Variants in CECR2 observed in about 807,000 individuals in gnomAD.
The protein encoded by CECR2 is CECR2 histone acetyl-lysine reader.
CECR2 carries 30 observed loss-of-function variants against 154.5 expected under a neutral mutation model. The ratio of observed to expected loss-of-function variants is 0.19; its 90% confidence interval spans 0.15 to 0.26. The LOEUF is 0.26. Among genes scored for constraint, CECR2 ranks in the 10% least tolerant of loss-of-function variants. The pLI is 1.00. For synonymous variants in CECR2, 725 were observed against 683.7 expected (o/e 1.06, Z -0.94); for missense variants, 1,743 against 1,829.3 (o/e 0.95, Z 0.86).
At chr22:17,419,256 C>T (rs558370735) in intron 1 of CECR2, 34 of 155,192 alleles carry the variant, frequency 2.2e-4, no homozygotes, top group Middle Eastern at 5.3e-3. Context: ...CTGGAGCAGG[C>T]CACCTGGCTG....
At chr22:17,490,822 T>C (rs2055515631) in intron 2 of CECR2, among the ~76,000 whole-genome samples, 1 of 152,070 alleles carries the variant, frequency 6.6e-6, no homozygotes, top group Non-Finnish European at 1.5e-5. Flanking sequence ...ATCACCACTA[T>C]CTAATTGCAG....
chr22:17,446,832 TGTGAGGTGGC>T (rs1343597488), intron 1 of CECR2, among the ~76,000 whole-genome samples: 1 of 152,148 alleles, frequency 6.6e-6, no homozygotes, highest in Non-Finnish European at 1.5e-5. Flanking sequence ...AGGTTGCCGC[TGTGAGGTGGC>T]CAGCTTTATT....
At chr22:17,370,931 A>C (rs2063053164) in intron 1 of CECR2, among the ~76,000 whole-genome samples, 2 of 152,182 alleles carry the variant, frequency 1.3e-5, no homozygotes, top group South Asian at 4.1e-4. Context: ...GACAAAGGTG[A>C]ATGGCAACTG....
chr22:17,469,910 T>G (rs537946766), intron 1 of CECR2, among the ~76,000 whole-genome samples: 1 of 152,192 alleles, frequency 6.6e-6, no homozygotes, highest in Non-Finnish European at 1.5e-5. Flanking sequence ...TTACTGGTTT[T>G]TTGCCTGTCC....
chr22:17,404,293 A>G (rs1016871789), intron 1 of CECR2, among the ~76,000 whole-genome samples: 2 of 149,922 alleles, frequency 1.3e-5, no homozygotes, highest in African/African-American at 4.9e-5. Context: ...AAAAAAAAAA[A>G]AAAGACTATC....
chr22:17,375,314 G>A (rs1357879097), intron 1 of CECR2, among the ~76,000 whole-genome samples: 2 of 151,678 alleles, frequency 1.3e-5, no homozygotes, highest in African/African-American at 4.8e-5. Context: ...GGGGTTTCTC[G>A]ATGTTGGTCA....
Position 17,542,837 on chromosome 22 carries a change from A to T in CECR2, c.2694A>T (p.Pro898=). 1 of 1,613,380 alleles carries T rather than the reference A, an allele frequency of 6.2e-7. No individual in the cohort carries two copies. ...MQQLSSRVCP[P]GVPYHPHQPA... ...AGCTCTCCTCCCGCGTCTGCCCCCC[A>T]GGTGTGCCTTACCACCCCCACCAGC... The change falls in exon 16 of 19, where the codon CCA becomes CCT. Residue 898 remains proline, a synonymous_variant. Coordinates refer to ENST00000262608, the MANE Select transcript of CECR2 (RefSeq NM_001290047.2).
chr22:17,409,295 G>T (rs1303456935), intron 1 of CECR2, among the ~76,000 whole-genome samples: 1 of 111,230 alleles, frequency 9.0e-6, no homozygotes, highest in East Asian at 2.0e-4. Context: ...ACCACACCCA[G>T]CTAATTTTTG....
In CECR2 at chr22:17,542,502, G is replaced by A; in HGVS notation, c.2359G>A (p.Gly787Ser). Residue 787 changes from glycine (G) to serine (S), a missense_variant, in exon 16 of 19, where the codon GGC becomes AGC. Physicochemically the swap from Gly to Ser is moderately conservative, Grantham distance 56 (BLOSUM62 0). Around this residue, in one of 4 missense-constraint regions of CECR2, gnomAD observed 1,250 missense variants for 1,192.1 expected, o/e 1.05. Coordinates refer to ENST00000262608, the MANE Select transcript of CECR2 (RefSeq NM_001290047.2). ...NHGATNQGPL[G>S]PDEKPHLGPG... ...TGGTGCTACGAACCAAGGACCCTTG[G>A]GCCCAGATGAGAAGCCCCACCTGGG... is the stretch of plus-strand genomic sequence containing the variant. 1 of 1,613,912 alleles carries A rather than the reference G, an allele frequency of 6.2e-7. No homozygotes were observed. The highest frequency in any genetic ancestry group is 1.7e-5 in the Admixed American group (1 of 60,006).
chr22:17,512,413 ATATT>A (rs1316965186), intron 8 of CECR2, among the ~76,000 whole-genome samples: 1 of 152,006 alleles, frequency 6.6e-6, no homozygotes, highest in African/African-American at 2.4e-5. Context: ...AAAACAGTAT[ATATT>A]AGAGCCAAGC....
At chr22:17,499,641 C>T in intron 4 of CECR2, 92 bp downstream of exon 4, 1 of 1,305,510 alleles carries the variant, frequency 7.7e-7, no homozygotes, top group Non-Finnish European at 1.0e-6. Flanking sequence ...ATTTTTTTTT[C>T]CTAATGAAGG....
At chr22:17,544,147 G>T (rs951045908) in intron 16 of CECR2, among the ~76,000 whole-genome samples, 2 of 152,052 alleles carry the variant, frequency 1.3e-5, no homozygotes, top group African/African-American at 4.8e-5. Flanking sequence ...CAATGGATCA[G>T]TTGAGCCCAG....
intron 1 of CECR2, among the ~76,000 whole-genome samples, chr22:17,394,245 G>T (rs910076442): frequency 1.6e-5 from 2 of 126,318 alleles, no homozygotes; most frequent in Non-Finnish European, 3.1e-5. Flanking sequence ...TGGTTCTGTC[G>T]TCCAGGCCAA....
rs1300064440 is a variant in CECR2 at position 17,553,230 on chromosome 22, A to G, written c.*390A>G. On this transcript the variant is annotated 3_prime_UTR_variant, in exon 19 of 19. Transcript: ENST00000262608. The stretch of plus-strand genomic sequence containing the variant: ...CTTTGATGAGCAGCTAAACTCAGGT[A>G]TATATTTGGGGAAGGGACTACTCTT... 2 of 175,278 alleles carry G rather than the reference A, an allele frequency of 1.1e-5. No homozygotes were observed. 10.9% of individuals were successfully genotyped at this position (175,278 alleles called of 1,614,324 possible).
At chr22:17,402,851 G>A (rs1398699597) in intron 1 of CECR2, among the ~76,000 whole-genome samples, 8 of 149,518 alleles carry the variant, frequency 5.4e-5, no homozygotes, top group African/African-American at 2.0e-4. Flanking sequence ...TCCGCCTCCC[G>A]GGTTCAAGCA....
At chr22:17,435,943 T>G (rs982021181) in intron 1 of CECR2, among the ~76,000 whole-genome samples, 2 of 152,126 alleles carry the variant, frequency 1.3e-5, no homozygotes, top group African/African-American at 4.8e-5. Context: ...TTTTCTTTTC[T>G]TTACCTTCTT....
At chr22:17,526,105 C>A (rs1016644222) in intron 9 of CECR2, among the ~76,000 whole-genome samples, 1 of 152,078 alleles carries the variant, frequency 6.6e-6, no homozygotes, top group Non-Finnish European at 1.5e-5. Context: ...AGATTCAATG[C>A]AATGTCTACC....
chr22:17,455,032 G>A (rs149105135), intron 1 of CECR2, among the ~76,000 whole-genome samples: 1 of 152,154 alleles, frequency 6.6e-6, no homozygotes, highest in Non-Finnish European at 1.5e-5. Flanking sequence ...CTCACATTCT[G>A]TATTTGTCCC....
intron 1 of CECR2, among the ~76,000 whole-genome samples, chr22:17,413,339 AC>A (rs1358985693): frequency 1.3e-5 from 2 of 152,142 alleles, no homozygotes; most frequent in Non-Finnish European, 2.9e-5. Flanking sequence ...CCAAGCAAAT[AC>A]CCTGTAAGAT....
Sources: allele counts gnomAD v4.1 joint callset (sites outside exome capture counted in the v4.1 genomes callset), GRCh38; gene constraint gnomAD v4.1.1; regional missense constraint gnomAD v4.1.1; transcripts MANE v1.5; gene names NCBI Gene and HGNC (gene_info 2026-07-23, HGNC 2026-07-21).